BCAR3: variants seen among roughly 807,000 people sequenced by gnomAD.
BCAR3 encodes BCAR3 adaptor protein, NSP family member, also known as breast cancer anti-estrogen resistance protein 3.
Under a neutral mutation model 80.1 loss-of-function variants are expected in BCAR3, and 37 were observed. The observed-to-expected ratio is 0.46, with a 90% CI of 0.36 to 0.61. The LOEUF (loss-of-function observed/expected upper bound fraction) is 0.61. BCAR3 is among the 20% of genes least tolerant of loss of function. The probability of loss-of-function intolerance (pLI) is 0.00; values close to 1 mark genes in which losing one functional copy is unlikely to be tolerated. For missense variants in BCAR3, 978 were observed against 1,068.2 expected, an observed-to-expected ratio of 0.92 and a Z score of 1.18; for synonymous variants, 389 against 418.9, an observed-to-expected ratio of 0.93 and a Z score of 0.87.
chr1:93,779,311 T>C (rs966381898), intron 2 of BCAR3, among the ~76,000 whole-genome samples: 1 of 152,142 alleles, frequency 6.6e-6, no homozygotes, highest in Non-Finnish European at 1.5e-5. Context: ...CCACAGCTGT[T>C]TATTGAGCTG....
intron 2 of BCAR3, among the ~76,000 whole-genome samples, chr1:93,735,607 T>C (rs1164412309): frequency 2.6e-5 from 4 of 152,268 alleles, no homozygotes; most frequent in Admixed American, 2.6e-4. Context: ...AATTTATCAA[T>C]TTTGATTCTG....
At chr1:93,706,754 A>G (rs535342825) in intron 2 of BCAR3, among the ~76,000 whole-genome samples, 2 of 152,390 alleles carry the variant, frequency 1.3e-5, no homozygotes, top group African/African-American at 4.8e-5. Context: ...TGATAAATAA[A>G]AGTCCAATAA....
intron 2 of BCAR3, among the ~76,000 whole-genome samples, chr1:93,666,505 A>G (rs2101937603): frequency 6.6e-6 from 1 of 152,278 alleles, no homozygotes; most frequent in Non-Finnish European, 1.5e-5. Flanking sequence ...TTACGTACTT[A>G]ATGATGCATT....
At chr1:93,639,601 C>A (rs545837090) in intron 3 of BCAR3, among the ~76,000 whole-genome samples, 11 of 151,956 alleles carry the variant, frequency 7.2e-5, no homozygotes, top group African/African-American at 2.7e-4. Flanking sequence ...CTCAGCCTCC[C>A]GAGTAGCTAG....
At chr1:93,663,103 A>G (rs1647741192) in intron 2 of BCAR3, among the ~76,000 whole-genome samples, 2 of 152,106 alleles carry the variant, frequency 1.3e-5, no homozygotes, top group African/African-American at 4.8e-5. Flanking sequence ...CTTGCTTCAC[A>G]TTTATCCTAC....
chr1:93,601,180 T>C (rs1192875539), intron 3 of BCAR3, among the ~76,000 whole-genome samples: 1 of 152,140 alleles, frequency 6.6e-6, no homozygotes, highest in African/African-American at 2.4e-5. Flanking sequence ...CTTGACACAA[T>C]GTGGAATTTG....
chr1:93,634,014 C>G (rs1740068), intron 3 of BCAR3, among the ~76,000 whole-genome samples: 1 of 152,168 alleles, frequency 6.6e-6, no homozygotes, highest in Non-Finnish European at 1.5e-5. Flanking sequence ...GCACTGACAG[C>G]CAACCCCAGT....
At chr1:93,605,808 G>A (rs1395077831) in intron 3 of BCAR3, among the ~76,000 whole-genome samples, 1 of 152,172 alleles carries the variant, frequency 6.6e-6, no homozygotes, top group Non-Finnish European at 1.5e-5. Flanking sequence ...TTAGGAAAAG[G>A]AGAGTACTGA....
At chr1:93,842,050 T>C (rs912989704) in intron 2 of BCAR3, among the ~76,000 whole-genome samples, 6 of 152,146 alleles carry the variant, frequency 3.9e-5, no homozygotes, top group Admixed American at 1.3e-4. Context: ...CCTCTCACAA[T>C]GTAATCTTTC....
intron 7 of BCAR3, 71 bp downstream of exon 7, chr1:93,582,230 G>A: frequency 6.5e-7 from 1 of 1,535,436 alleles, no homozygotes; most frequent in Non-Finnish European, 8.8e-7. Flanking sequence ...AAAAGCCAGA[G>A]GAGCACCGGG....
At chr1:93,817,265 G>A (rs1163947891) in intron 2 of BCAR3, among the ~76,000 whole-genome samples, 2 of 152,254 alleles carry the variant, frequency 1.3e-5, no homozygotes, top group Non-Finnish European at 2.9e-5. Flanking sequence ...AGCAGGGGCT[G>A]AAGGGGGTCA....
In BCAR3 at chr1:93,576,052, C is replaced by T. The variant is rs1299020851; in HGVS notation, c.1764G>A (p.Leu588=). ...CCAGGCGCAGCTGGTGTCCGTGAGG[C>T]AAGGTAATGAGTTCCAGGCCTGAGC... ...GVSSGLELIT[L]PHGHQLRLDI... is the part of the protein sequence containing the mutation. Residue 588 remains leucine, a synonymous_variant, in exon 8 of 12, where the codon TTG becomes TTA. Transcript: ENST00000260502. 1 of 1,614,024 alleles carries T rather than the reference C, an allele frequency of 6.2e-7. No homozygotes were observed. Among genetic ancestry groups the T allele is most frequent in the East Asian group, 2.2e-5 (1 of 44,882 alleles).
intron 2 of BCAR3, among the ~76,000 whole-genome samples, chr1:93,808,042 TAA>T (rs149951325): frequency 2.0e-4 from 28 of 138,896 alleles, no homozygotes; most frequent in African/African-American, 6.6e-4. Context: ...TTTTTTTTTT[TAA>T]AAAAAAAAAA....
chr1:93,579,053 G>A (rs571207890), intron 7 of BCAR3, among the ~76,000 whole-genome samples: 14 of 152,296 alleles, frequency 9.2e-5, no homozygotes, highest in African/African-American at 3.4e-4. Context: ...TGCGCACGGT[G>A]GGAGGGGCTC....
At chr1:93,621,079 A>C (rs1675293344) in intron 3 of BCAR3, among the ~76,000 whole-genome samples, 1 of 152,250 alleles carries the variant, frequency 6.6e-6, no homozygotes, top group Non-Finnish European at 1.5e-5. Flanking sequence ...CGGGGTCAGT[A>C]CCAGGTGAGA....
At chr1:93,656,207 T>G (rs2101925223) in intron 2 of BCAR3, among the ~76,000 whole-genome samples, 1 of 152,290 alleles carries the variant, frequency 6.6e-6, no homozygotes, top group Non-Finnish European at 1.5e-5. Context: ...TAGGTGAAGA[T>G]TTACCATTTC....
intron 2 of BCAR3, among the ~76,000 whole-genome samples, chr1:93,655,480 A>T (rs768766116): frequency 6.6e-5 from 10 of 152,164 alleles, no homozygotes; most frequent in Admixed American, 1.3e-4. Context: ...AAGGGAAGAG[A>T]GAGGTAAGGA....
intron 9 of BCAR3, among the ~76,000 whole-genome samples, chr1:93,568,836 T>G (rs1673084007): frequency 6.6e-6 from 1 of 152,214 alleles, no homozygotes; most frequent in Non-Finnish European, 1.5e-5. Context: ...TGACTTTTCT[T>G]CTTTGAGATG....
chr1:93,687,457 G>A (rs185672904), intron 3 of BCAR3, among the ~76,000 whole-genome samples: 4 of 152,194 alleles, frequency 2.6e-5, no homozygotes, highest in African/African-American at 9.6e-5. Context: ...ACAGGTGTGC[G>A]CCACAATGCC....
Sources: allele counts gnomAD v4.1 joint callset (sites outside exome capture counted in the v4.1 genomes callset), GRCh38; gene constraint gnomAD v4.1.1; transcripts MANE v1.5; gene names NCBI Gene and HGNC (gene_info 2026-07-23, HGNC 2026-07-21).